The following HDAC4 variants were observed in gnomAD, a reference collection of about 807,000 sequenced individuals.
The protein encoded by HDAC4 is histone deacetylase A.
A neutral mutation model predicts 135.1 loss-of-function variants in HDAC4; 16 were observed. The ratio of observed to expected loss-of-function variants is 0.12; its 90% CI spans 0.08 to 0.18. HDAC4 has a LOEUF of 0.18. Among genes scored for constraint, HDAC4 ranks in the 10% least tolerant of loss-of-function variants. The pLI, the probability that HDAC4 is intolerant of heterozygous loss-of-function variation, is 1.00. For missense variants in HDAC4, 1,143 were observed against 1,511.8 expected (o/e 0.76, Z 4.05); for synonymous variants, 685 against 653.4 (o/e 1.05, Z -0.74).
In HDAC4 at chr2:239,050,304, A is replaced by T. The variant is rs903662742; in HGVS notation, c.*2793T>A. 6.6e-6 allele frequency: 1 copy of T among 152,230 alleles called. No homozygotes were observed. Among genetic ancestry groups the T allele is most frequent in the African/African-American group, 2.4e-5 (1 of 41,460 alleles). 9.4% of individuals were successfully genotyped at this position (152,230 alleles called of 1,614,324 possible). A position where few individuals can be genotyped will look rare whatever the true frequency, so the allele number is the denominator to read the frequency against. ...CATGTTATCCCATCATCTGCTTAAA[A>T]AAAAAAAGTGAGATGATGCATTCCT... On this transcript the variant is annotated 3_prime_UTR_variant, in exon 27 of 27. Coordinates refer to ENST00000543185, the MANE Select transcript of HDAC4 (RefSeq NM_001378414.1).
At chr2:239,250,807 G>A (rs1288393006) in intron 2 of HDAC4, among the ~76,000 whole-genome samples, 1 of 152,206 alleles carries the variant, frequency 6.6e-6, no homozygotes, top group Non-Finnish European at 1.5e-5. Context: ...ACAGCGAAGG[G>A]GCACGACAGT....
Position 239,245,884 on chromosome 2 carries a change from G to A in HDAC4, c.23-9220C>T, listed in dbSNP as rs62188571. On this transcript the variant is annotated intron_variant, in intron 2 of 26. Coordinates refer to ENST00000543185, the MANE Select transcript of HDAC4 (RefSeq NM_001378414.1). This position sits in a 1 kb window ranked among gnomAD's most constrained non-coding sequence, Gnocchi z 4.4. ...TCATCCCCAGCCCCTATGTGTTCAA[G>A]CAGACACACACGTCTGGTTCACAGC... Among the ~76,000 whole-genome samples the A allele has an allele frequency of 0.12, 17,777 of 152,164 alleles. 1,155 individuals are homozygous for A. The highest frequency in any genetic ancestry group is 0.14 in the Non-Finnish European group (9,795 of 68,002).
chr2:239,053,888 C>A (rs563367495), intron 25 of HDAC4, among the ~76,000 whole-genome samples: 1 of 152,120 alleles, frequency 6.6e-6, no homozygotes, highest in East Asian at 1.9e-4. Context: ...TGGCTTTCCA[C>A]GCTCACGGGC....
At position 239,301,466 on chromosome 2, in the gene HDAC4, TC is replaced by T. The variant is rs2052258969; in HGVS notation, c.22+51211del. Among the ~76,000 whole-genome samples, 9 of 112,738 alleles carry T rather than the reference TC, an allele frequency of 8.0e-5. 1 individual carries two copies. The highest frequency in any genetic ancestry group is 1.2e-4 in the Non-Finnish European group (7 of 56,792). The allele number at this position is 112,738 out of a possible 152,430, so 74.0% of individuals were successfully genotyped here. A position where few individuals can be genotyped will look rare whatever the true frequency, so the allele number is the denominator to read the frequency against. ...ACATTTCTAAATTCTGCTGGTGCTT[TC>T]TTTCTTTTTTTTTTTTTTTATTTTT... On this transcript the variant is annotated intron_variant, in intron 2 of 26. Coordinates refer to ENST00000543185, the MANE Select transcript of HDAC4 (RefSeq NM_001378414.1).
rs757231639 is a variant in HDAC4, at chr2:239,054,820, G to A, written c.3017C>T (p.Pro1006Leu). The stretch of plus-strand genomic sequence containing the variant: ...GGGTCTTTGCTGTAAAACCTTTTCT[G>A]GGAGAGGATCAAGCTGGAAGAAAAT... ...ALLGNELDPL[P>L]EKVLQQRPNA... Residue 1006 changes from proline to leucine, a missense_variant, in exon 25 of 27, where the codon CCA becomes CTA. Pro to Leu is a moderately conservative substitution (Grantham distance 98). Coordinates refer to ENST00000543185, the MANE Select transcript of HDAC4 (RefSeq NM_001378414.1). 1.2e-6 allele frequency: 2 copies of A among 1,610,650 alleles called. No individual in the cohort carries two copies. The highest frequency in any genetic ancestry group is 3.3e-5 in the Admixed American group (2 of 60,008).
intron 2 of HDAC4, among the ~76,000 whole-genome samples, chr2:239,343,038 C>A (rs1692391273): frequency 6.6e-6 from 1 of 152,164 alleles, no homozygotes; most frequent in African/African-American, 2.4e-5. Flanking sequence ...AGGCCTCCAT[C>A]CCCACCAATG....
In HDAC4 at chr2:239,068,773, A is replaced by T. The variant is rs752081059; in HGVS notation, c.2751-166T>A. On this transcript the variant is annotated intron_variant, in intron 22 of 26. Coordinates refer to ENST00000543185, the MANE Select transcript of HDAC4 (RefSeq NM_001378414.1). The surrounding 1 kb of genome is among the most constrained non-coding windows in gnomAD (Gnocchi z 4.4). Reference sequence around the variant, plus strand: ...AGGCTGGAATCTGGCGACCACGCTTAATTAGAAGGGAATCAACCCACGTGT... The same window carrying T: ...AGGCTGGAATCTGGCGACCACGCTTTATTAGAAGGGAATCAACCCACGTGT... 1.0e-5 allele frequency: 7 copies of T among 702,856 alleles called. No homozygotes were observed. The South Asian group carries it at 1.0e-4, about 10-fold the overall frequency. 43.5% of individuals were successfully genotyped at this position (702,856 alleles called of 1,614,324 possible).
At chr2:239,138,663 G>A (rs764937400) in intron 9 of HDAC4, among the ~76,000 whole-genome samples, 3 of 152,178 alleles carry the variant, frequency 2.0e-5, no homozygotes, top group South Asian at 2.1e-4. Context: ...CTCAGCCTGC[G>A]GGACTGCCTC....
rs201187772 is a variant in HDAC4 at position 239,115,096 on chromosome 2, G to A, written c.1748C>T (p.Pro583Leu). The A allele has an allele frequency of 3.0e-4, 482 of 1,611,434 alleles. No individual in the cohort carries two copies. The highest frequency in any genetic ancestry group is 4.1e-4 in the African/African-American group (31 of 74,940). The change falls in exon 13 of 27, where the codon CCG becomes CTG. Residue 583 changes from proline to leucine, a missense_variant. Coordinates refer to ENST00000543185, the MANE Select transcript of HDAC4 (RefSeq NM_001378414.1). The surrounding 1 kb of genome is among the most constrained non-coding windows in gnomAD (Gnocchi z 6.3). ...EEAEPPREVEPGQRQPSEQEL... is the reference protein window; with the variant it reads ...EEAEPPREVELGQRQPSEQEL... Reference sequence around the variant, plus strand: ...CTGCTCACTGGGCTGGCGCTGGCCCGGCTCCACCTCCCGTGGGGGCTCTGC... The same window carrying A: ...CTGCTCACTGGGCTGGCGCTGGCCCAGCTCCACCTCCCGTGGGGGCTCTGC...
chr2:239,185,170 C>T (rs569295138), intron 4 of HDAC4, among the ~76,000 whole-genome samples: 40 of 151,998 alleles, frequency 2.6e-4, no homozygotes, highest in African/African-American at 8.9e-4. Flanking sequence ...GAGGAGTGCC[C>T]AGTGTCTTCT....
At chr2:239,382,931 T>C (rs1358370334) in intron 1 of HDAC4, among the ~76,000 whole-genome samples, 2 of 152,084 alleles carry the variant, frequency 1.3e-5, no homozygotes, top group African/African-American at 4.8e-5. Context: ...GGTTTCACCA[T>C]GTTGACCAGG....
At chr2:239,158,428 G>C (rs2152955103) in intron 6 of HDAC4, among the ~76,000 whole-genome samples, 1 of 152,270 alleles carries the variant, frequency 6.6e-6, no homozygotes, top group South Asian at 2.1e-4. Context: ...TGAACGGTAG[G>C]ATTTGCTTAC....
In HDAC4 at chr2:239,312,434, G is replaced by A. The variant is rs761363755; in HGVS notation, c.22+40244C>T. On this transcript the variant is annotated intron_variant, in intron 2 of 26. Transcript: ENST00000543185. ...GCCCAGGAGCCCACACGCAGGGCAC[G>A]CACGCACGTAGTTCCACATTAGGCC... 1.8e-4 allele frequency among the ~76,000 whole-genome samples: 27 copies of A among 152,168 alleles called. 1 individual carries two copies. The highest frequency in any genetic ancestry group is 3.2e-4 in the Non-Finnish European group (22 of 68,020).
Position 239,157,519 on chromosome 2 carries a change from C to T in HDAC4, c.612-746G>A, listed in dbSNP as rs529719408. On this transcript the variant is annotated intron_variant, in intron 6 of 26. Transcript: ENST00000543185. The stretch of plus-strand genomic sequence containing the variant: ...CCGGAGGACGGACATGGGGAGGAGG[C>T]GGGCCCTGGGCCGGGACGGGGATGT... Among the ~76,000 whole-genome samples the T allele has an allele frequency of 3.3e-5, 5 of 152,288 alleles. No homozygotes were observed. In the South Asian group the frequency reaches 8.3e-4, roughly 25 times the overall value.
chr2:239,070,879 A>G (rs1378365696), intron 22 of HDAC4, among the ~76,000 whole-genome samples: 1 of 152,028 alleles, frequency 6.6e-6, no homozygotes, highest in African/African-American at 2.4e-5. Flanking sequence ...TCCCTCCCGA[A>G]AGGACTGAGT....
Position 239,094,893 on chromosome 2 carries a change from G to C in HDAC4, c.2280+117C>G, listed in dbSNP as rs978444957. 5 of 1,598,994 alleles carry C rather than the reference G, an allele frequency of 3.1e-6. No homozygotes were observed. The Admixed American group carries it at 6.7e-5, about 22-fold the overall frequency. ...GAAGCCGCACATGGGCAGCCCCTGC[G>C]TATGGAAAACACCTGGCAGCAATTA... is the stretch of plus-strand genomic sequence containing the variant. On this transcript the variant is annotated intron_variant, in intron 17 of 26. Coordinates refer to ENST00000543185, the MANE Select transcript of HDAC4 (RefSeq NM_001378414.1).
chr2:239,116,101 C>T (rs767802208), intron 12 of HDAC4, among the ~76,000 whole-genome samples: 13 of 152,182 alleles, frequency 8.5e-5, no homozygotes, highest in African/African-American at 2.2e-4. Flanking sequence ...GCGGAACAGG[C>T]GGCAGGTGCT....
intron 26 of HDAC4, 145 bp downstream of exon 26, chr2:239,053,315 G>C: frequency 3.8e-6 from 5 of 1,307,642 alleles, no homozygotes; most frequent in Non-Finnish European, 5.3e-6. Flanking sequence ...AAGGGGCTTT[G>C]GCACTGGAAG....
In HDAC4 at chr2:239,134,619, C is replaced by T. The variant is rs755774329; in HGVS notation, c.1003G>A (p.Ala335Thr). 2.5e-6 allele frequency: 4 copies of T among 1,614,144 alleles called. No individual in the cohort carries two copies. The South Asian group carries it at 4.4e-5, about 18-fold the overall frequency. ...AGTGGAGCGGCCGAGCCTTCTCGTG[C>T]CACAAGTCTGTGCGCCAAACTCGTC... Reference protein sequence around the residue: ...AETSLAHRLVAREGSAAPLPL... With the variant: ...AETSLAHRLVTREGSAAPLPL... The change falls in exon 10 of 27, where the codon GCA becomes ACA. Residue 335 changes from alanine (A) to threonine (T), a missense_variant. By Grantham distance (58) the Ala-to-Thr change is moderately conservative. Around this residue, in one of 9 missense-constraint regions of HDAC4, gnomAD observed 272 missense variants for 309.7 expected, o/e 0.88. Coordinates refer to ENST00000543185, the MANE Select transcript of HDAC4 (RefSeq NM_001378414.1).
Sources: allele counts gnomAD v4.1 joint callset (sites outside exome capture counted in the v4.1 genomes callset), GRCh38; gene constraint gnomAD v4.1.1; regional missense constraint gnomAD v4.1.1; non-coding constraint Gnocchi (gnomAD v3.1); transcripts MANE v1.5; gene names NCBI Gene and HGNC (gene_info 2026-07-23, HGNC 2026-07-21).